MAD1L1: variants seen among roughly 807,000 people sequenced by gnomAD.
MAD1L1 encodes the protein mitotic spindle assembly checkpoint protein MAD1.
In MAD1L1, 95 loss-of-function variants were observed where a neutral mutation model predicts 96.9. The observed-to-expected ratio is 0.98, with a 90% CI of 0.83 to 1.16. MAD1L1 has a LOEUF of 1.16. Among genes scored for constraint, MAD1L1 ranks in the 50% most tolerant of loss-of-function variants. The pLI, the probability that MAD1L1 is intolerant of heterozygous loss-of-function variation, is 0.00. For missense variants in MAD1L1, 1,007 were observed against 954.4 expected (o/e 1.06, Z -0.73); for synonymous variants, 473 against 396.6 (o/e 1.19, Z -2.29).
chr7:2,231,091 G>C (rs1043710548), intron 1 of MAD1L1, among the ~76,000 whole-genome samples: 1 of 152,104 alleles, frequency 6.6e-6, no homozygotes, highest in African/African-American at 2.4e-5. Context: ...GGCAGGTCCG[G>C]AGTTCAAGAC....
chr7:2,003,318 CAT>C (rs1470028596), intron 13 of MAD1L1, among the ~76,000 whole-genome samples: 2 of 152,064 alleles, frequency 1.3e-5, no homozygotes, highest in Non-Finnish European at 2.9e-5. Flanking sequence ...GGCATGTGCA[CAT>C]GTGGTGGGGA....
At chr7:1,885,553 T>A (rs1785960551) in intron 18 of MAD1L1, among the ~76,000 whole-genome samples, 1 of 152,118 alleles carries the variant, frequency 6.6e-6, no homozygotes, top group South Asian at 2.1e-4. Context: ...CGTGGAGCTG[T>A]CCCACGGTGG....
At chr7:1,870,768 A>AC (rs1235041485) in intron 18 of MAD1L1, among the ~76,000 whole-genome samples, 2 of 139,870 alleles carry the variant, frequency 1.4e-5, no homozygotes, top group African/African-American at 5.5e-5. Context: ...GCCACGCTGA[A>AC]CCGACCATAA....
chr7:2,059,192 G>A (rs560214691), intron 12 of MAD1L1, among the ~76,000 whole-genome samples: 3 of 135,146 alleles, frequency 2.2e-5, no homozygotes, highest in African/African-American at 5.7e-5. Context: ...GAGGGAGTGT[G>A]GCCAGAGGAG....
chr7:2,207,649 G>A (rs962614709), intron 10 of MAD1L1, among the ~76,000 whole-genome samples: 1 of 152,130 alleles, frequency 6.6e-6, no homozygotes, highest in African/African-American at 2.4e-5. Context: ...TGTATTATTC[G>A]TAACATCCTT....
intron 18 of MAD1L1, among the ~76,000 whole-genome samples, chr7:1,886,566 C>T (rs1246593677): frequency 6.6e-6 from 1 of 152,262 alleles, no homozygotes; most frequent in Non-Finnish European, 1.5e-5. Context: ...CCACCTGGGG[C>T]TCGCACACCA....
chr7:1,909,492 T>C (rs533127400), intron 17 of MAD1L1, among the ~76,000 whole-genome samples: 1 of 152,342 alleles, frequency 6.6e-6, no homozygotes, highest in Non-Finnish European at 1.5e-5. Flanking sequence ...GCTGTGCGAT[T>C]TGTATCCGGG....
At chr7:1,974,188 C>T (rs1533828) in intron 15 of MAD1L1, among the ~76,000 whole-genome samples, 2 of 152,144 alleles carry the variant, frequency 1.3e-5, no homozygotes, top group African/African-American at 4.8e-5. Context: ...CAGGCCCCCA[C>T]GCCAGAGTCA....
rs747634272 is a variant in MAD1L1 at position 2,002,070 on chromosome 7, C to G, written c.1411G>C (p.Asp471His). Reference sequence around the variant, plus strand: ...CACTCCCGCGTCTGACTCACCATGTCTGCTCTTTGTTTCTGGCCTCCCAGC... The same window carrying G: ...CACTCCCGCGTCTGACTCACCATGTGTGCTCTTTGTTTCTGGCCTCCCAGC... ...EELGGQKQRA[D>H]MLEMELKMLK... The change falls in exon 14 of 19, where the codon GAC (aspartate) becomes CAC (histidine). Residue 471 changes from aspartate (D) to histidine (H), a missense_variant. Coordinates refer to ENST00000265854, the MANE Select transcript of MAD1L1 (RefSeq NM_001013836.2). 5.0e-6 allele frequency: 8 copies of G among 1,613,224 alleles called. No individual in the cohort carries two copies. The highest frequency in any genetic ancestry group is 1.6e-4 in the Middle Eastern group (1 of 6,082).
At chr7:2,101,503 G>A (rs1342113425) in intron 11 of MAD1L1, among the ~76,000 whole-genome samples, 2 of 125,060 alleles carry the variant, frequency 1.6e-5, no homozygotes, top group Admixed American at 1.6e-4. Flanking sequence ...ATCCAGGTGG[G>A]TGGCATGAGA....
chr7:1,998,854 G>A (rs1562594734), intron 14 of MAD1L1, among the ~76,000 whole-genome samples: 1 of 151,092 alleles, frequency 6.6e-6, no homozygotes, highest in Non-Finnish European at 1.5e-5. Flanking sequence ...CTCACTGCTG[G>A]ACACCAGACC....
chr7:2,201,318 C>A (rs10251408), intron 10 of MAD1L1, among the ~76,000 whole-genome samples: 2,125 of 152,240 alleles, frequency 0.014, 54 homozygotes, highest in African/African-American at 0.048. Flanking sequence ...CCCCCTCCTA[C>A]CAGCCCTGTC....
At chr7:1,913,315 G>T (rs923198508) in intron 17 of MAD1L1, among the ~76,000 whole-genome samples, 3 of 151,372 alleles carry the variant, frequency 2.0e-5, no homozygotes, top group Non-Finnish European at 4.4e-5. Flanking sequence ...GGTGCAGGGA[G>T]GACCCCTGAG....
intron 12 of MAD1L1, among the ~76,000 whole-genome samples, chr7:2,026,927 GA>G (rs1277836103): frequency 2.6e-5 from 4 of 151,810 alleles, no homozygotes; most frequent in African/African-American, 9.7e-5. Context: ...ATACATATGG[GA>G]AAAAATCAAT....
chr7:1,940,814 G>A (rs1416642775), intron 16 of MAD1L1, among the ~76,000 whole-genome samples: 3 of 152,142 alleles, frequency 2.0e-5, no homozygotes, highest in Admixed American at 6.5e-5. Flanking sequence ...AATGTACAAC[G>A]GTTCTTAGTT....
chr7:2,135,089 A>G (rs1003169692), intron 11 of MAD1L1, among the ~76,000 whole-genome samples: 3 of 152,224 alleles, frequency 2.0e-5, no homozygotes, highest in Non-Finnish European at 4.4e-5. Flanking sequence ...TTGAGCAAAC[A>G]CTACCCAGAA....
intron 12 of MAD1L1, among the ~76,000 whole-genome samples, chr7:2,066,833 T>C (rs1272858963): frequency 6.6e-6 from 1 of 152,234 alleles, no homozygotes; most frequent in African/African-American, 2.4e-5. Flanking sequence ...GGTCACAGGC[T>C]GCAGGCCAGA....
At chr7:2,014,762 G>A in intron 12 of MAD1L1, 120 bp from the exon 13 acceptor site, 2 of 1,207,052 alleles carry the variant, frequency 1.7e-6, no homozygotes, top group Non-Finnish European at 2.2e-6. Flanking sequence ...TGAGGACCCA[G>A]GCCAGCACTC....
At position 2,232,918 on chromosome 7, in the gene MAD1L1, C is replaced by A. The variant is rs1317127774; in HGVS notation, c.-236G>T. 1 of 152,286 alleles carries A rather than the reference C, an allele frequency of 6.6e-6. No individual in the cohort carries two copies. Among genetic ancestry groups the A allele is most frequent in the African/African-American group, 2.4e-5 (1 of 41,470 alleles). The allele number at this position is 152,286 out of a possible 1,614,324, so 9.4% of individuals were successfully genotyped here. On this transcript the variant is annotated 5_prime_UTR_variant, in exon 1 of 19. Coordinates refer to ENST00000265854, the MANE Select transcript of MAD1L1 (RefSeq NM_001013836.2). ...TGCCGCCGCCGCTCGGATCTCCCTC[C>A]GCTCCGCCGGCGCCCATTTATCGCG...
Sources: gnomAD v4.1 joint callset for allele counts (sites outside exome capture counted in the v4.1 genomes callset) on GRCh38, gnomAD v4.1.1 for gene constraint, MANE v1.5 for transcripts, NCBI Gene and HGNC (gene_info 2026-07-23, HGNC 2026-07-21) for gene names.